Variants in BICC1 observed in about 807,000 individuals in gnomAD.
BICC1 encodes the protein BicC family RNA binding protein 1.
A neutral mutation model predicts 111.0 loss-of-function variants in BICC1; 43 were observed. The observed-to-expected ratio is 0.39, with a 90% confidence interval of 0.30 to 0.50. The LOEUF is 0.50. BICC1 is among the 20% of genes least tolerant of loss of function. The pLI is 0.88. For synonymous variants in BICC1, 467 were observed against 434.4 expected, an observed-to-expected ratio of 1.07 and a Z score of -0.93; for missense variants, 1,091 against 1,203.2, an observed-to-expected ratio of 0.91 and a Z score of 1.38.
At chr10:58,670,418 C>T (rs1221609513) in intron 2 of BICC1, among the ~76,000 whole-genome samples, 1 of 152,114 alleles carries the variant, frequency 6.6e-6, no homozygotes, top group African/African-American at 2.4e-5. Context: ...ACATTATCAT[C>T]CTACGCCTTC....
At chr10:58,631,333 A>G (rs1227592204) in intron 2 of BICC1, among the ~76,000 whole-genome samples, 1 of 152,044 alleles carries the variant, frequency 6.6e-6, no homozygotes, top group Non-Finnish European at 1.5e-5. Flanking sequence ...TTACTCTCTC[A>G]TTTTATATGT....
intron 18 of BICC1, among the ~76,000 whole-genome samples, chr10:58,816,267 A>G (rs1844083520): frequency 6.6e-6 from 1 of 152,074 alleles, no homozygotes; most frequent in African/African-American, 2.4e-5. Context: ...TTGACCCGGT[A>G]CCTCAATAGT....
At chr10:58,549,753 T>G (rs1843244799) in intron 1 of BICC1, among the ~76,000 whole-genome samples, 1 of 151,218 alleles carries the variant, frequency 6.6e-6, no homozygotes, top group Non-Finnish European at 1.5e-5. Flanking sequence ...TGGTGTGATC[T>G]CGGCTCACTG....
At chr10:58,606,193 A>G (rs955283328) in intron 1 of BICC1, among the ~76,000 whole-genome samples, 1 of 151,974 alleles carries the variant, frequency 6.6e-6, no homozygotes, top group African/African-American at 2.4e-5. Context: ...ACTCTTTTCT[A>G]TATTCAATCC....
At chr10:58,731,246 C>A (rs900706614) in intron 3 of BICC1, among the ~76,000 whole-genome samples, 8 of 152,100 alleles carry the variant, frequency 5.3e-5, no homozygotes, top group African/African-American at 1.7e-4. Flanking sequence ...GCTGGAGTTC[C>A]CAAAAAGTTC....
chr10:58,806,935 T>A, intron 16 of BICC1, 69 bp from the exon 17 acceptor site: 1 of 1,398,832 alleles, frequency 7.1e-7, no homozygotes, highest in East Asian at 2.3e-5. Flanking sequence ...GAAACGACAC[T>A]TATCATCAGT....
At chr10:58,709,080 G>A (rs1564567413) in intron 3 of BICC1, among the ~76,000 whole-genome samples, 1 of 152,056 alleles carries the variant, frequency 6.6e-6, no homozygotes, top group African/African-American at 2.4e-5. Context: ...ATCCTCTCTT[G>A]TAGCTATTTG....
intron 3 of BICC1, among the ~76,000 whole-genome samples, chr10:58,717,774 A>T (rs1840794603): frequency 6.6e-6 from 1 of 152,176 alleles, no homozygotes; most frequent in African/African-American, 2.4e-5. Context: ...AGGTCACAGG[A>T]TATGAGTAAC....
At chr10:58,751,269 C>CT (rs1841984539) in intron 3 of BICC1, among the ~76,000 whole-genome samples, 1 of 152,148 alleles carries the variant, frequency 6.6e-6, no homozygotes, top group African/African-American at 2.4e-5. Context: ...TATTTCTATA[C>CT]TACTAAAGTG....
intron 3 of BICC1, among the ~76,000 whole-genome samples, chr10:58,732,379 GTATATATATATATATATATA>G (rs1163026692): frequency 0.019 from 1,471 of 75,758 alleles, 384 homozygotes; most frequent in African/African-American, 0.032. Flanking sequence ...GTGTGTGTAT[GTATATATATATATATATATA>G]TATATATATA....
At chr10:58,557,344 CT>C (rs35079883) in intron 1 of BICC1, among the ~76,000 whole-genome samples, 32 of 143,972 alleles carry the variant, frequency 2.2e-4, no homozygotes, top group Middle Eastern at 3.6e-3. Flanking sequence ...ATGACAGCGT[CT>C]TTTTTTTTTT....
At chr10:58,531,263 A>G (rs989365773) in intron 1 of BICC1, among the ~76,000 whole-genome samples, 4 of 151,852 alleles carry the variant, frequency 2.6e-5, no homozygotes, top group African/African-American at 9.7e-5. Context: ...GGCAGTACCA[A>G]AATACCCGTA....
At chr10:58,659,277 C>T (rs187936887) in intron 2 of BICC1, among the ~76,000 whole-genome samples, 114 of 152,226 alleles carry the variant, frequency 7.5e-4, no homozygotes, top group Non-Finnish European at 1.4e-3. Context: ...CATAAAGATG[C>T]ATATGTATGT....
At chr10:58,754,195 T>C (rs1842073526) in intron 3 of BICC1, among the ~76,000 whole-genome samples, 1 of 152,220 alleles carries the variant, frequency 6.6e-6, no homozygotes, top group Non-Finnish European at 1.5e-5. Context: ...AGCTCAAACA[T>C]AGCTCTGTAT....
intron 15 of BICC1, among the ~76,000 whole-genome samples, chr10:58,805,294 A>AAAACAAAC (rs781154182): frequency 1.3e-5 from 2 of 150,386 alleles, no homozygotes; most frequent in African/African-American, 5.0e-5. Flanking sequence ...CTCTGTCTAA[A>AAAACAAAC]AAACAAACAA....
chr10:58,560,618 TG>T (rs1843578314), intron 1 of BICC1, among the ~76,000 whole-genome samples: 1 of 152,120 alleles, frequency 6.6e-6, no homozygotes, highest in Non-Finnish European at 1.5e-5. Flanking sequence ...AGGAAAGATT[TG>T]CTTTTGCTTT....
At chr10:58,538,969 C>T (rs1056444095) in intron 1 of BICC1, among the ~76,000 whole-genome samples, 1 of 151,872 alleles carries the variant, frequency 6.6e-6, no homozygotes, top group Admixed American at 6.6e-5. Flanking sequence ...AACACTTATA[C>T]ACTGCTGGTT....
chr10:58,676,074 G>A (rs1166023031), intron 2 of BICC1, among the ~76,000 whole-genome samples: 2 of 152,156 alleles, frequency 1.3e-5, no homozygotes, highest in African/African-American at 2.4e-5. Context: ...CTATGAGTGA[G>A]GGATGGTGCT....
At chr10:58,714,810 C>A (rs116887595) in intron 3 of BICC1, among the ~76,000 whole-genome samples, 1,544 of 150,586 alleles carry the variant, frequency 0.01, 10 homozygotes, top group Middle Eastern at 0.038. Flanking sequence ...AAATTATTTT[C>A]ATGAAGGCAA....
Sources: gnomAD v4.1 joint callset for allele counts (sites outside exome capture counted in the v4.1 genomes callset) on GRCh38, gnomAD v4.1.1 for gene constraint, MANE v1.5 for transcripts, NCBI Gene and HGNC (gene_info 2026-07-23, HGNC 2026-07-21) for gene names.